The following FAN1 variants were observed in gnomAD, a reference collection of about 807,000 sequenced individuals.
FAN1 encodes the protein FANCD2 and FANCI associated nuclease 1, also known as fanconi-associated nuclease 1.
A neutral mutation model predicts 104.9 loss-of-function variants in FAN1; 91 were observed. The ratio of observed to expected loss-of-function variants is 0.87; its 90% CI spans 0.73 to 1.03. The LOEUF is 1.03. Ranked by LOEUF, FAN1 falls within the 50% of genes least tolerant of loss-of-function variation. The pLI is 0.00. For synonymous variants in FAN1, 478 were observed against 457.6 expected, an observed-to-expected ratio of 1.04 and a Z score of -0.57; for missense variants, 1,263 against 1,239.9, an observed-to-expected ratio of 1.02 and a Z score of -0.28.
rs748184160 is a variant in FAN1, at chr15:30,927,376, T to C, written c.2489-1177T>C. 18 of 985,392 alleles carry C rather than the reference T, an allele frequency of 1.8e-5. No homozygotes were observed. The Admixed American group carries it at 9.8e-4, about 54-fold the overall frequency. 61.0% of individuals were successfully genotyped at this position (985,392 alleles called of 1,614,324 possible). On this transcript the variant is annotated intron_variant, in intron 10 of 14. Transcript: ENST00000362065. Reference sequence around the variant, plus strand: ...AGGAAGAAAAGTCCTCCTGGAAGACTTGGCAACAGCCAGGAGTCCTGAGTG... The same window carrying C: ...AGGAAGAAAAGTCCTCCTGGAAGACCTGGCAACAGCCAGGAGTCCTGAGTG...
intron 13 of FAN1, among the ~76,000 whole-genome samples, chr15:30,936,609 TATG>T (rs549614008): frequency 7.1e-4 from 108 of 152,366 alleles, no homozygotes; most frequent in Admixed American, 1.4e-3. Flanking sequence ...CTTCTCAACT[TATG>T]ATGGCCTTAT....
intron 8 of FAN1, 29 bp from the exon 9 acceptor site, chr15:30,925,098 G>T (rs777629384): frequency 6.3e-7 from 1 of 1,585,374 alleles, no homozygotes; most frequent in Non-Finnish European, 8.6e-7. Flanking sequence ...TTTTTTAGGA[G>T]CCTGATGTGT....
At chr15:30,936,749 G>T (rs1314929182) in intron 13 of FAN1, among the ~76,000 whole-genome samples, 1 of 152,166 alleles carries the variant, frequency 6.6e-6, no homozygotes, top group African/African-American at 2.4e-5. Context: ...GTGTGCATTA[G>T]CCTACAGTTG....
At chr15:30,935,830 A>G (rs768817484) in intron 13 of FAN1, among the ~76,000 whole-genome samples, 66 of 152,322 alleles carry the variant, frequency 4.3e-4, no homozygotes, top group Middle Eastern at 3.4e-3. Flanking sequence ...GTTTCCAATC[A>G]GAGAATCTTT....
intron 2 of FAN1, 71 bp downstream of exon 2, chr15:30,905,968 T>C: frequency 7.1e-7 from 1 of 1,417,216 alleles, no homozygotes; most frequent in Non-Finnish European, 9.7e-7. Context: ...CATGATGTGA[T>C]GGGCAGTAAT....
At chr15:30,907,511 TC>T (rs2062007789) in intron 2 of FAN1, among the ~76,000 whole-genome samples, 1 of 149,974 alleles carries the variant, frequency 6.7e-6, no homozygotes, top group East Asian at 1.9e-4. Flanking sequence ...AGAGCAAAAC[TC>T]CATCTCAAAA....
Position 30,925,174 on chromosome 15 carries a change from G to C in FAN1, c.2220G>C (p.Thr740=), listed in dbSNP as rs767118284. ...TEGLADPEVR[T]GHRLSLYQRA... Reference sequence around the variant, plus strand: ...GGCTGGCGGATCCGGAAGTCAGAACGGGACACCGCCTTTCACTGTATCAGC... The same window carrying C: ...GGCTGGCGGATCCGGAAGTCAGAACCGGACACCGCCTTTCACTGTATCAGC... Residue 740 remains threonine (T), a synonymous_variant, in exon 9 of 15, where the codon ACG becomes ACC. Transcript: ENST00000362065. 2 of 1,613,860 alleles carry C rather than the reference G, an allele frequency of 1.2e-6. No homozygotes were observed. The highest frequency in any genetic ancestry group is 3.3e-5 in the Admixed American group (2 of 59,988).
In FAN1 at chr15:30,922,344, G is replaced by T. The variant is rs556470840; in HGVS notation, c.2162G>T (p.Arg721Leu). Residue 721 changes from arginine (R) to leucine (L), a missense_variant, in exon 8 of 15, where the codon CGC becomes CTC. By Grantham distance (102) the Arg-to-Leu change is moderately radical. This residue lies in a region of FAN1 where 581 missense variants were observed against 668.8 expected (regional missense o/e 0.87). Coordinates refer to ENST00000362065, the MANE Select transcript of FAN1 (RefSeq NM_014967.5). The stretch of plus-strand genomic sequence containing the variant: ...CTTAATTTACACCAGCACTTGAAGC[G>T]CCTGGAACCGGTACTCAGTAACAAA... ...LALNLHQHLKRLEPTIKCITE... is the reference protein window; with the variant it reads ...LALNLHQHLKLLEPTIKCITE... 4 of 1,610,224 alleles carry T rather than the reference G, an allele frequency of 2.5e-6. No individual in the cohort carries two copies. The highest frequency in any genetic ancestry group is 2.5e-6 in the Non-Finnish European group (3 of 1,179,182).
Position 30,928,628 on chromosome 15 carries a change from T to C in FAN1, c.2564T>C (p.Ile855Thr). The C allele has an allele frequency of 5.6e-6, 9 of 1,613,598 alleles. No individual in the cohort carries two copies. The highest frequency in any genetic ancestry group is 7.6e-6 in the Non-Finnish European group (9 of 1,179,934). Residue 855 changes from isoleucine (I) to threonine (T), a missense_variant, in exon 11 of 15, where the codon ATT becomes ACT. By Grantham distance (89) the Ile-to-Thr change is moderately conservative. Coordinates refer to ENST00000362065, the MANE Select transcript of FAN1 (RefSeq NM_014967.5). ...TGGGACATCATCTTCATGGATGGGA[T>C]TCCGGATGTCTTCAGAAACGCCTGT... is the stretch of plus-strand genomic sequence containing the variant. ...LLWDIIFMDG[I>T]PDVFRNACQA...
At chr15:30,923,005 G>A (rs1238527232) in intron 8 of FAN1, among the ~76,000 whole-genome samples, 1 of 152,186 alleles carries the variant, frequency 6.6e-6, no homozygotes, top group East Asian at 1.9e-4. Flanking sequence ...TTGTGTGGCC[G>A]CCAGCAGGCC....
chr15:30,914,679 A>G (rs1034595130), intron 5 of FAN1, among the ~76,000 whole-genome samples: 4 of 152,148 alleles, frequency 2.6e-5, no homozygotes, highest in African/African-American at 7.2e-5. Flanking sequence ...ATTTTTTTTG[A>G]CACAGACATA....
chr15:30,913,637 T>G (rs1335575504), intron 4 of FAN1, among the ~76,000 whole-genome samples: 1 of 152,226 alleles, frequency 6.6e-6, no homozygotes, highest in Non-Finnish European at 1.5e-5. Flanking sequence ...AAGGAAGCAC[T>G]TGTATGGAGC....
chr15:30,905,007 A>AT lies in FAN1; in HGVS notation c.346dup (p.Ser116PhefsTer15), dbSNP rs1211490811. The AT allele has an allele frequency of 1.2e-6, 2 of 1,613,962 alleles. No homozygotes were observed. Among genetic ancestry groups the AT allele is most frequent in the Non-Finnish European group, 1.7e-6 (2 of 1,180,030 alleles). On this transcript the variant is annotated frameshift_variant, in exon 2 of 15. Transcript: ENST00000362065. LOFTEE classifies it high-confidence loss of function. The stretch of plus-strand genomic sequence containing the variant: ...ACAAATTTAACCCCTGGCCAAAGTG[A>AT]TTCAGCAAAAAGGGAAGTAAAGCAG...
rs2063098280 is a variant in FAN1, at chr15:30,942,824, CTG to C, written c.*1264_*1265del. 1.4e-6 allele frequency: 2 copies of C among 1,445,992 alleles called. No individual in the cohort carries two copies. The highest frequency in any genetic ancestry group is 1.4e-5 in the African/African-American group (1 of 70,288). The allele number at this position is 1,445,992 out of a possible 1,614,324, so 89.6% of individuals were successfully genotyped here. On this transcript the variant is annotated 3_prime_UTR_variant, in exon 15 of 15. Transcript: ENST00000362065. ...GAAGTGCCTTTACTTTTAACGCTCT[CTG>C]TTCTGAAAAAGAGGTGTTTGGTTAC... is the stretch of plus-strand genomic sequence containing the variant.
chr15:30,925,048 G>C, intron 8 of FAN1, 79 bp from the exon 9 acceptor site: 1 of 1,442,460 alleles, frequency 6.9e-7, no homozygotes, highest in Non-Finnish European at 9.4e-7. Context: ...TAAACAGTGG[G>C]CTTTTCTGTC....
At chr15:30,939,382 C>G (rs1292489564) in intron 14 of FAN1, 1 of 985,318 alleles carries the variant, frequency 1.0e-6, no homozygotes, top group Non-Finnish European at 1.2e-6. Context: ...CCCTGTGCAG[C>G]CACACCACTG....
At chr15:30,915,511 A>G (rs1595842799) in intron 5 of FAN1, among the ~76,000 whole-genome samples, 2 of 152,154 alleles carry the variant, frequency 1.3e-5, no homozygotes, top group South Asian at 2.1e-4. Flanking sequence ...ACACATGCCT[A>G]TATTTCTAAC....
Position 30,942,612 on chromosome 15 carries a change from G to A in FAN1, c.*1050G>A, listed in dbSNP as rs2063091898. ...GCATTCCCTGCCACAGTGGCGGCTT[G>A]AATCATCAAGAAATGGATAAATGGG... On this transcript the variant is annotated 3_prime_UTR_variant, in exon 15 of 15. Transcript: ENST00000362065. The A allele has an allele frequency of 2.5e-6, 1 of 406,688 alleles. No homozygotes were observed. Among genetic ancestry groups the A allele is most frequent in the Admixed American group, 4.1e-5 (1 of 24,490 alleles). The allele number at this position is 406,688 out of a possible 1,614,324, so 25.2% of individuals were successfully genotyped here.
intron 8 of FAN1, among the ~76,000 whole-genome samples, chr15:30,924,714 G>A (rs1056350461): frequency 4.6e-5 from 7 of 152,158 alleles, no homozygotes; most frequent in Admixed American, 1.3e-4. Context: ...GCCCCCATGC[G>A]TGGGCTCCTG....
Sources: gnomAD v4.1 joint callset for allele counts (sites outside exome capture counted in the v4.1 genomes callset) on GRCh38, gnomAD v4.1.1 for gene constraint, gnomAD v4.1.1 regional missense constraint, MANE v1.5 for transcripts, NCBI Gene and HGNC (gene_info 2026-07-23, HGNC 2026-07-21) for gene names.